Variants in STAG1 observed in about 807,000 individuals in gnomAD.
The protein encoded by STAG1 is cohesin subunit SA-1.
In STAG1, 26 loss-of-function variants were observed where a neutral mutation model predicts 170.9. That is an observed-to-expected ratio of 0.15 (90% CI 0.11 to 0.21). The LOEUF is 0.21. Ranked by LOEUF, STAG1 falls within the 10% of genes least tolerant of loss-of-function variation. STAG1 has a pLI of 1.00. For synonymous variants in STAG1, 514 were observed against 497.7 expected, an observed-to-expected ratio of 1.03 and a Z score of -0.44; for missense variants, 964 against 1,509.5, an observed-to-expected ratio of 0.64 and a Z score of 5.99.
At chr3:136,679,752 A>T (rs1217778327) in intron 1 of STAG1, among the ~76,000 whole-genome samples, 12 of 140,258 alleles carry the variant, frequency 8.6e-5, no homozygotes, top group African/African-American at 3.4e-4. Flanking sequence ...AAAAAAAAAA[A>T]TCAGCCGGGC....
At chr3:136,515,322 G>A (rs1934308716) in intron 7 of STAG1, among the ~76,000 whole-genome samples, 1 of 152,116 alleles carries the variant, frequency 6.6e-6, no homozygotes, top group Non-Finnish European at 1.5e-5. Flanking sequence ...CCAAGATTGT[G>A]CCACAGCACT....
Position 136,607,723 on chromosome 3 carries a change from T to C in STAG1, c.133-3250A>G, listed in dbSNP as rs114930182. On this transcript the variant is annotated intron_variant, in intron 3 of 33. Transcript: ENST00000383202. ...CGATGTAATTCAATACTGTTTTACT[T>C]TGTTGTTCAAATTGTTTCAGCTTTG... is the stretch of plus-strand genomic sequence containing the variant. 7.5e-3 allele frequency among the ~76,000 whole-genome samples: 1,147 copies of C among 152,326 alleles called. 18 individuals carry two copies. The highest frequency in any genetic ancestry group is 0.026 in the African/African-American group (1,095 of 41,570).
rs1943483613 is a variant in STAG1, at chr3:136,714,945, AT to A, written c.-84+37249del. Reference sequence around the variant, plus strand: ...AAACAAATATATATATTAAATATATATATATATATATATATATATTTTATAT... The same window carrying A: ...AAACAAATATATATATTAAATATATAATATATATATATATATATTTTATAT... On this transcript the variant is annotated intron_variant, in intron 1 of 33. Transcript: ENST00000383202. Among the ~76,000 whole-genome samples, 5 of 71,096 alleles carry A rather than the reference AT, an allele frequency of 7.0e-5. No homozygotes were observed. The Admixed American group carries it at 7.5e-4, about 11-fold the overall frequency. 46.6% of individuals were successfully genotyped at this position (71,096 alleles called of 152,430 possible).
At chr3:136,729,376 C>A (rs1382630264) in intron 1 of STAG1, among the ~76,000 whole-genome samples, 1 of 152,030 alleles carries the variant, frequency 6.6e-6, no homozygotes, top group Admixed American at 6.6e-5. Context: ...AACTCTCCCT[C>A]TTTGTGAATG....
At chr3:136,667,407 T>TAGAC (rs1414497290) in intron 1 of STAG1, among the ~76,000 whole-genome samples, 2 of 152,074 alleles carry the variant, frequency 1.3e-5, no homozygotes, top group Non-Finnish European at 1.5e-5. Context: ...GATAGATAGA[T>TAGAC]AGATAGACAG....
At chr3:136,674,999 T>C (rs1942090383) in intron 1 of STAG1, among the ~76,000 whole-genome samples, 1 of 152,170 alleles carries the variant, frequency 6.6e-6, no homozygotes, top group Non-Finnish European at 1.5e-5. Context: ...GTGAAACCTA[T>C]TTAAACATAA....
rs1322448230 is a variant in STAG1 at position 136,546,236 on chromosome 3, G to A, written c.395-4041C>T. Among the ~76,000 whole-genome samples the A allele has an allele frequency of 8.5e-5, 13 of 152,152 alleles. 1 individual carries two copies. The highest frequency in any genetic ancestry group is 1.6e-4 in the Non-Finnish European group (11 of 68,014). Reference sequence around the variant, plus strand: ...TGTTCACGTAAGACTTAGAAGAAATGACTGTAAGAAAAATAATGTCTGTCT... The same window carrying A: ...TGTTCACGTAAGACTTAGAAGAAATAACTGTAAGAAAAATAATGTCTGTCT... On this transcript the variant is annotated intron_variant, in intron 5 of 33. Coordinates refer to ENST00000383202, the MANE Select transcript of STAG1 (RefSeq NM_005862.3).
At chr3:136,388,213 T>C (rs1445151078) in intron 22 of STAG1, among the ~76,000 whole-genome samples, 1 of 152,192 alleles carries the variant, frequency 6.6e-6, no homozygotes, top group African/African-American at 2.4e-5. Flanking sequence ...TCTCATTTTA[T>C]ATATCAGGAA....
chr3:136,591,640 C>A, intron 4 of STAG1: 2 of 259,784 alleles, frequency 7.7e-6, no homozygotes, highest in Non-Finnish European at 7.8e-6. Context: ...GGCTATTGTG[C>A]AAGTTCAAAT....
At chr3:136,384,837 A>G (rs1049260704) in intron 22 of STAG1, among the ~76,000 whole-genome samples, 2 of 152,160 alleles carry the variant, frequency 1.3e-5, no homozygotes, top group African/African-American at 4.8e-5. Flanking sequence ...TATATAAACA[A>G]AAAAGCCAGT....
chr3:136,678,571 TCAC>T (rs1942217671), intron 1 of STAG1, among the ~76,000 whole-genome samples: 2 of 151,582 alleles, frequency 1.3e-5, no homozygotes, highest in Non-Finnish European at 2.9e-5. Flanking sequence ...TGAGAAACAT[TCAC>T]TACTCAAAAG....
intron 1 of STAG1, among the ~76,000 whole-genome samples, chr3:136,637,584 T>C (rs892223492): frequency 6.6e-6 from 1 of 152,160 alleles, no homozygotes; most frequent in African/African-American, 2.4e-5. Flanking sequence ...AAGAGTAATT[T>C]AAGAGTTTCG....
At chr3:136,468,989 AAAT>A (rs1355310200) in intron 12 of STAG1, among the ~76,000 whole-genome samples, 2 of 152,184 alleles carry the variant, frequency 1.3e-5, no homozygotes, top group Admixed American at 6.5e-5. Context: ...ACGTATCTCA[AAAT>A]AATAAGAGCT....
At chr3:136,373,441 A>G (rs1340420622) in intron 23 of STAG1, among the ~76,000 whole-genome samples, 2 of 151,972 alleles carry the variant, frequency 1.3e-5, no homozygotes, top group Non-Finnish European at 2.9e-5. Flanking sequence ...TTGTGATGTT[A>G]CGGTGTCAAT....
intron 6 of STAG1, among the ~76,000 whole-genome samples, chr3:136,538,625 G>C (rs1294962415): frequency 6.6e-6 from 1 of 151,978 alleles, no homozygotes; most frequent in East Asian, 1.9e-4. Flanking sequence ...CAGCATATTG[G>C]CCTGGCTGTT....
chr3:136,446,746 C>T (rs1219655984), intron 14 of STAG1, among the ~76,000 whole-genome samples: 1 of 150,464 alleles, frequency 6.6e-6, no homozygotes, highest in Non-Finnish European at 1.5e-5. Flanking sequence ...TTCTCCTACA[C>T]AGCTCCTACT....
At chr3:136,536,641 C>T (rs13096466) in intron 6 of STAG1, among the ~76,000 whole-genome samples, 26,866 of 149,462 alleles carry the variant, frequency 0.18, 2,893 homozygotes, top group Non-Finnish European at 0.24. Context: ...GCAGAAGTTG[C>T]CGTGAGCCAA....
chr3:136,377,777 A>G, intron 22 of STAG1, 25 bp from the exon 23 acceptor site: 1 of 1,587,928 alleles, frequency 6.3e-7, no homozygotes, highest in Non-Finnish European at 8.6e-7. Flanking sequence ...CAAATTTGCA[A>G]GCGTGAATTA....
intron 1 of STAG1, among the ~76,000 whole-genome samples, chr3:136,633,962 TAAAAAAAA>T (rs67810422): frequency 0.29 from 14,409 of 50,262 alleles, 1,829 homozygotes; most frequent in African/African-American, 0.42. Flanking sequence ...TGTCTCTACT[TAAAAAAAA>T]AAAAAAAAAA....
Sources: allele counts gnomAD v4.1 joint callset (sites outside exome capture counted in the v4.1 genomes callset), GRCh38; gene constraint gnomAD v4.1.1; transcripts MANE v1.5; gene names NCBI Gene and HGNC (gene_info 2026-07-23, HGNC 2026-07-21).